Variants in FBXO11 observed in about 807,000 individuals in gnomAD.
FBXO11 encodes F-box protein 11.
FBXO11 carries 13 observed loss-of-function variants against 117.0 expected under a neutral mutation model. The observed-to-expected ratio is 0.11, with a 90% confidence interval of 0.07 to 0.18. The LOEUF (loss-of-function observed/expected upper bound fraction) is 0.18, where lower values mean the gene tolerates loss of function less well. FBXO11 is among the 10% of genes least tolerant of loss of function. The probability of loss-of-function intolerance (pLI) is 1.00; values close to 1 mark genes in which losing one functional copy is unlikely to be tolerated. For missense variants in FBXO11, 767 were observed against 1,164.4 expected (o/e 0.66, Z 4.97); for synonymous variants, 490 against 380.5 (o/e 1.29, Z -3.35).
At chr2:47,865,746 A>G (rs1675147420) in intron 1 of FBXO11, 1 of 152,216 alleles carries the variant, frequency 6.6e-6, no homozygotes, top group Admixed American at 6.5e-5. Context: ...ATGGGATATT[A>G]TTAGAGTCAA....
At chr2:47,862,806 G>A (rs1404333847) in intron 1 of FBXO11, among the ~76,000 whole-genome samples, 1 of 152,096 alleles carries the variant, frequency 6.6e-6, no homozygotes, top group Non-Finnish European at 1.5e-5. Context: ...TGTAATCCCA[G>A]CACTTTCGGA....
intron 1 of FBXO11, among the ~76,000 whole-genome samples, chr2:47,880,590 T>A (rs1229638905): frequency 1.3e-5 from 2 of 152,230 alleles, no homozygotes; most frequent in Non-Finnish European, 2.9e-5. Context: ...AAACATTTCC[T>A]GCTATGAATG....
intron 1 of FBXO11, chr2:47,888,690 G>A (rs1198545765): frequency 5.1e-6 from 5 of 982,888 alleles, no homozygotes; most frequent in Middle Eastern, 5.2e-4. Context: ...TTCAGCCATT[G>A]CAATGTTTTA....
intron 1 of FBXO11, among the ~76,000 whole-genome samples, chr2:47,856,311 A>G (rs1446171144): frequency 1.3e-5 from 2 of 152,250 alleles, no homozygotes; most frequent in African/African-American, 2.4e-5. Flanking sequence ...TTCTTAAGAA[A>G]TTACTTGAAG....
chr2:47,847,379 C>T (rs1271194754), intron 1 of FBXO11, among the ~76,000 whole-genome samples: 1 of 152,202 alleles, frequency 6.6e-6, no homozygotes, highest in Non-Finnish European at 1.5e-5. Flanking sequence ...TGGTAAATAA[C>T]TGCCTATCTA....
intron 1 of FBXO11, among the ~76,000 whole-genome samples, chr2:47,857,980 A>C (rs1674444095): frequency 6.6e-6 from 1 of 152,204 alleles, no homozygotes; most frequent in Non-Finnish European, 1.5e-5. Context: ...TCAAATCTTT[A>C]CCAAAGTAGA....
At chr2:47,868,623 T>C (rs113408783) in intron 1 of FBXO11, among the ~76,000 whole-genome samples, 2 of 152,242 alleles carry the variant, frequency 1.3e-5, no homozygotes, top group African/African-American at 4.8e-5. Context: ...CCCCAACCAT[T>C]GTTGTCATTG....
At chr2:47,840,853 TAAAAA>T (rs544206772) in intron 1 of FBXO11, among the ~76,000 whole-genome samples, 1 of 137,060 alleles carries the variant, frequency 7.3e-6, no homozygotes, top group Admixed American at 7.4e-5. Flanking sequence ...CTTTAAAAAT[TAAAAA>T]AAAAAAAAGA....
intron 1 of FBXO11, among the ~76,000 whole-genome samples, chr2:47,860,648 C>G (rs1313520609): frequency 1.3e-5 from 2 of 151,692 alleles, no homozygotes; most frequent in Non-Finnish European, 2.9e-5. Flanking sequence ...CTCAGAAAAT[C>G]CACCTGCCTC....
At chr2:47,862,922 G>C (rs902128628) in intron 1 of FBXO11, among the ~76,000 whole-genome samples, 1 of 151,890 alleles carries the variant, frequency 6.6e-6, no homozygotes, top group East Asian at 1.9e-4. Flanking sequence ...GGGTGTGGTG[G>C]CGCATGCTTG....
At chr2:47,880,041 G>T (rs1276231553) in intron 1 of FBXO11, among the ~76,000 whole-genome samples, 1 of 151,914 alleles carries the variant, frequency 6.6e-6, no homozygotes, top group Non-Finnish European at 1.5e-5. Flanking sequence ...TGTCACCCAG[G>T]TTGGAGTGTA....
chr2:47,865,739 G>A (rs1313095073), intron 1 of FBXO11: 1 of 152,068 alleles, frequency 6.6e-6, no homozygotes, highest in African/African-American at 2.4e-5. Flanking sequence ...AAACAACATG[G>A]GATATTATTA....
chr2:47,843,925 G>A (rs972186887), intron 1 of FBXO11, among the ~76,000 whole-genome samples: 2 of 152,074 alleles, frequency 1.3e-5, no homozygotes, highest in Non-Finnish European at 2.9e-5. Context: ...ATTTTTAATA[G>A]AGACGGGGTT....
At chr2:47,900,901 CACAT>C (rs1220453890) in intron 1 of FBXO11, among the ~76,000 whole-genome samples, 1 of 142,690 alleles carries the variant, frequency 7.0e-6, no homozygotes, top group African/African-American at 2.6e-5. Flanking sequence ...TATATATACA[CACAT>C]ATATATGTAT....
intron 11 of FBXO11, among the ~76,000 whole-genome samples, 178 bp downstream of exon 11, chr2:47,832,171 G>A (rs188500408): frequency 3.9e-4 from 60 of 152,196 alleles, no homozygotes; most frequent in Non-Finnish European, 6.5e-4. Flanking sequence ...GGATATGTCT[G>A]ATGCATAAAT....
chr2:47,888,263 A>G (rs558629917), intron 1 of FBXO11, among the ~76,000 whole-genome samples: 1 of 152,328 alleles, frequency 6.6e-6, no homozygotes, highest in South Asian at 2.1e-4. Context: ...CAGAACAGGT[A>G]ACATTATCAT....
chr2:47,813,474 G>C (rs886707410), intron 17 of FBXO11, 97 bp from the exon 18 acceptor site: 2 of 787,332 alleles, frequency 2.5e-6, no homozygotes, highest in African/African-American at 2.4e-5. Context: ...TCTGTTGCCA[G>C]GCTGGAGTGT....
chr2:47,892,343 A>T (rs1188288938), intron 1 of FBXO11, among the ~76,000 whole-genome samples: 1 of 152,248 alleles, frequency 6.6e-6, no homozygotes, highest in Non-Finnish European at 1.5e-5. Flanking sequence ...TTCACCCGAA[A>T]GGGTATATTT....
chr2:47,867,598 G>C (rs775778001), intron 1 of FBXO11, among the ~76,000 whole-genome samples: 1 of 152,196 alleles, frequency 6.6e-6, no homozygotes, highest in Non-Finnish European at 1.5e-5. Context: ...TAGTGATATA[G>C]ATTTGAGAAA....
Sources: gnomAD v4.1 joint callset for allele counts (sites outside exome capture counted in the v4.1 genomes callset) on GRCh38, gnomAD v4.1.1 for gene constraint, MANE v1.5 for transcripts, NCBI Gene and HGNC (gene_info 2026-07-23, HGNC 2026-07-21) for gene names.